The following ZP3 variants were observed in gnomAD, a reference collection of about 807,000 sequenced individuals.
ZP3 encodes the protein zona pellucida glycoprotein 3, also known as zona pellucida sperm-binding protein 3.
A neutral mutation model predicts 35.6 loss-of-function variants in ZP3; 21 were observed. The observed-to-expected ratio is 0.59, with a 90% CI of 0.42 to 0.85. The LOEUF (loss-of-function observed/expected upper bound fraction) is 0.85. Ranked by LOEUF, ZP3 falls within the 40% of genes least tolerant of loss-of-function variation. The pLI is 0.00. For synonymous variants in ZP3, 207 were observed against 214.5 expected, an observed-to-expected ratio of 0.96 and a Z score of 0.31; for missense variants, 437 against 536.5, an observed-to-expected ratio of 0.81 and a Z score of 1.83.
chr7:76,426,765 G>A (rs1805667843), intron 1 of ZP3, among the ~76,000 whole-genome samples: 1 of 151,604 alleles, frequency 6.6e-6, no homozygotes, highest in Admixed American at 6.6e-5. Context: ...GGAGTGCAAT[G>A]GCGCCTATAA....
Position 76,425,040 on chromosome 7 carries a change from TG to T in ZP3, c.78del (p.Trp26CysfsTer26). 6.2e-7 allele frequency: 1 copy of T among 1,604,626 alleles called. No homozygotes were observed. Among genetic ancestry groups the T allele is most frequent in the Non-Finnish European group, 8.5e-7 (1 of 1,175,924 alleles). The stretch of plus-strand genomic sequence containing the variant: ...TGAGCTGTGCTACCCCCAACCCCTC[TG>T]GCTCTTGCAGGGTGGAGCCAGCCAT... ...STELCYPQPL[W>X]LLQGGASHPE... is the part of the protein sequence containing the mutation. On this transcript the variant is annotated frameshift_variant, in exon 1 of 8. Coordinates refer to ENST00000394857, the MANE Select transcript of ZP3 (RefSeq NM_001110354.2). LOFTEE classifies it high-confidence loss of function.
intron 1 of ZP3, among the ~76,000 whole-genome samples, chr7:76,415,742 G>A (rs1439391767): frequency 2.6e-5 from 4 of 151,048 alleles, no homozygotes; most frequent in South Asian, 2.1e-4. Context: ...TGATCCACCC[G>A]CCTCGGCCTC....
intron 1 of ZP3, among the ~76,000 whole-genome samples, chr7:76,406,956 ATT>A (rs1805054913): frequency 6.6e-6 from 1 of 151,588 alleles, no homozygotes; most frequent in Non-Finnish European, 1.5e-5. Context: ...GATTTAAATT[ATT>A]TATTTATTTA....
chr7:76,429,793 C>CCT (rs1292152852), intron 2 of ZP3, among the ~76,000 whole-genome samples, 160 bp downstream of exon 2: 1 of 152,102 alleles, frequency 6.6e-6, no homozygotes, highest in Non-Finnish European at 1.5e-5. Context: ...GATTGTGGGG[C>CCT]CTGCTGAGTC....
At chr7:76,411,968 G>A (rs1261781434) in intron 1 of ZP3, among the ~76,000 whole-genome samples, 1 of 152,120 alleles carries the variant, frequency 6.6e-6, no homozygotes, top group African/African-American at 2.4e-5. Flanking sequence ...TGTGGCAGGA[G>A]GATCACTTGA....
intron 1 of ZP3, among the ~76,000 whole-genome samples, chr7:76,407,021 C>T (rs1805056791): frequency 6.6e-6 from 1 of 152,118 alleles, no homozygotes; most frequent in South Asian, 2.1e-4. Context: ...AGTGCAGTGG[C>T]CTGATCTCAG....
chr7:76,418,729 G>A (rs182870765), intron 1 of ZP3, among the ~76,000 whole-genome samples: 7 of 150,950 alleles, frequency 4.6e-5, no homozygotes, highest in East Asian at 2.0e-4. Flanking sequence ...GGTGGCAGGC[G>A]CCTATAGTCC....
chr7:76,422,289 G>A (rs567078989), upstream of ZP3, among the ~76,000 whole-genome samples: 18 of 152,030 alleles, frequency 1.2e-4, no homozygotes, highest in South Asian at 2.1e-4. Flanking sequence ...CCACCTCCCC[G>A]GCCTCCTAAA....
chr7:76,433,505 C>G lies in ZP3; in HGVS notation c.571C>G (p.His191Asp). Residue 191 changes from histidine to aspartate, a missense_variant, in exon 4 of 8, where the codon CAC (histidine) becomes GAC (aspartate). By Grantham distance (81) the His-to-Asp change is moderately conservative. Coordinates refer to ENST00000394857, the MANE Select transcript of ZP3 (RefSeq NM_001110354.2). ...WNAEKRSPTFHLGDAAHLQAE... is the reference protein window; with the variant it reads ...WNAEKRSPTFDLGDAAHLQAE... ...CGCTGAGAAGAGGTCCCCCACCTTC[C>G]ACCTGGGAGATGCAGCCCACCTCCA... 6.2e-7 allele frequency: 1 copy of G among 1,613,992 alleles called. No individual in the cohort carries two copies. Among genetic ancestry groups the G allele is most frequent in the East Asian group, 2.2e-5 (1 of 44,860 alleles).
At chr7:76,433,385 C>T (rs923460624) in intron 3 of ZP3, 85 bp from the exon 4 acceptor site, 7 of 1,459,814 alleles carry the variant, frequency 4.8e-6, no homozygotes, top group African/African-American at 4.2e-5. Flanking sequence ...GAACTCCTGA[C>T]CTCAGGTGAT....
Position 76,425,107 on chromosome 7 carries a change from A to C in ZP3, c.143A>C (p.Glu48Ala), listed in dbSNP as rs1251482780. ...CAGCCCGTACTGGTGGAGTGTCAGG[A>C]GGCCACTCTGATGGTCATGGTCAGC... is the stretch of plus-strand genomic sequence containing the variant. ...SVQPVLVECQ[E>A]ATLMVMVSKD... Residue 48 changes from glutamate (E) to alanine (A), a missense_variant, in exon 1 of 8, where the codon GAG (glutamate) becomes GCG (alanine). Physicochemically the swap from Glu to Ala is moderately radical, Grantham distance 107. Transcript: ENST00000394857. The C allele has an allele frequency of 4.3e-6, 7 of 1,613,912 alleles. No individual in the cohort carries two copies. In the South Asian group the frequency reaches 7.7e-5, roughly 18 times the overall value.
intron 1 of ZP3, among the ~76,000 whole-genome samples, chr7:76,426,647 TCCC>T (rs369539407): frequency 1.1e-4 from 17 of 151,054 alleles, no homozygotes; most frequent in African/African-American, 3.6e-4. Context: ...GGTGCCTGGC[TCCC>T]CCCCCTTCTG....
chr7:76,414,174 T>C (rs759021123), intron 1 of ZP3, among the ~76,000 whole-genome samples: 17 of 151,676 alleles, frequency 1.1e-4, no homozygotes, highest in Admixed American at 5.3e-4. Flanking sequence ...TTTTTGTACT[T>C]TTAGTAGAGA....
intron 2 of ZP3, among the ~76,000 whole-genome samples, chr7:76,430,172 T>C (rs1296050880): frequency 6.6e-6 from 1 of 152,038 alleles, no homozygotes; most frequent in Non-Finnish European, 1.5e-5. Flanking sequence ...ATTGCACTGC[T>C]GTACTCCATT....
chr7:76,430,269 G>A (rs965520582), intron 2 of ZP3, among the ~76,000 whole-genome samples: 2 of 152,156 alleles, frequency 1.3e-5, no homozygotes, highest in Non-Finnish European at 2.9e-5. Context: ...GGCGGTGGTG[G>A]CCTACTCTTC....
At chr7:76,400,963 C>G in intron 1 of ZP3, 1 of 1,550,894 alleles carries the variant, frequency 6.4e-7, no homozygotes, top group Non-Finnish European at 8.7e-7. Context: ...GCTGGAGTAC[C>G]TGGCGGACAG....
intron 1 of ZP3, among the ~76,000 whole-genome samples, chr7:76,411,253 A>T (rs1805236865): frequency 6.6e-6 from 1 of 151,936 alleles, no homozygotes; most frequent in South Asian, 2.1e-4. Context: ...GTTCCTAAGC[A>T]AGCTCTCGTC....
chr7:76,433,896 A>G (rs1310075095), intron 4 of ZP3, 142 bp from the exon 5 acceptor site: 1 of 913,586 alleles, frequency 1.1e-6, no homozygotes, highest in African/African-American at 1.7e-5. Flanking sequence ...ACAAGGTTTC[A>G]CCATGTTTGC....
At chr7:76,438,162 T>C (rs1273269187) in intron 5 of ZP3, among the ~76,000 whole-genome samples, 6 of 152,142 alleles carry the variant, frequency 3.9e-5, no homozygotes, top group African/African-American at 1.4e-4. Flanking sequence ...CTGCCTGAAA[T>C]ATGAAGGGAA....
Sources: allele counts gnomAD v4.1 joint callset (sites outside exome capture counted in the v4.1 genomes callset), GRCh38; gene constraint gnomAD v4.1.1; transcripts MANE v1.5; gene names NCBI Gene and HGNC (gene_info 2026-07-23, HGNC 2026-07-21).